ADGRB3: variants seen among roughly 807,000 people sequenced by gnomAD.
ADGRB3 encodes the protein adhesion G protein-coupled receptor B3, also known as brain-specific angiogenesis inhibitor 3.
ADGRB3 carries 37 observed loss-of-function variants against 193.4 expected under a neutral mutation model. The ratio of observed to expected loss-of-function variants is 0.19; its 90% CI spans 0.15 to 0.25. ADGRB3 has a LOEUF of 0.25. ADGRB3 is among the 10% of genes least tolerant of loss of function. The pLI, the probability that ADGRB3 is intolerant of heterozygous loss-of-function variation, is 1.00. For missense variants in ADGRB3, 1,637 were observed against 1,852.9 expected (o/e 0.88, Z 2.14); for synonymous variants, 690 against 644.2 (o/e 1.07, Z -1.08).
intron 3 of ADGRB3, among the ~76,000 whole-genome samples, chr6:68,652,414 C>T (rs1380082166): frequency 2.0e-5 from 3 of 152,122 alleles, no homozygotes; most frequent in Non-Finnish European, 4.4e-5. Context: ...TTTCTTCAGA[C>T]TCTGTCTGGA....
rs531193338 is a variant in ADGRB3 at position 69,361,828 on chromosome 6, A to AAATT, written c.4239+319_4239+320insTAAT. Among the ~76,000 whole-genome samples, 294 of 151,454 alleles carry AAATT rather than the reference A, an allele frequency of 1.9e-3. 2 individuals carry two copies. Among genetic ancestry groups the AAATT allele is most frequent in the South Asian group, 0.011 (52 of 4,786 alleles). On this transcript the variant is annotated intron_variant, in intron 29 of 31. Transcript: ENST00000370598. Reference sequence around the variant, plus strand: ...TAAGGCACTCATAAAAAATAAAATAAAATAAATAAATAAATAAATAACAGG... The same window carrying AAATT: ...TAAGGCACTCATAAAAAATAAAATAAAATTAATAAATAAATAAATAAATAACAGG...
intron 17 of ADGRB3, among the ~76,000 whole-genome samples, chr6:69,163,309 T>C (rs6926403): frequency 0.14 from 21,471 of 151,996 alleles, 1,574 homozygotes; most frequent in Middle Eastern, 0.16. Flanking sequence ...AGTTCAGACA[T>C]CCAAAAGTAT....
chr6:68,920,231 G>T (rs1290675660), intron 3 of ADGRB3, among the ~76,000 whole-genome samples: 1 of 151,962 alleles, frequency 6.6e-6, no homozygotes, highest in Non-Finnish European at 1.5e-5. Context: ...GTCCTAAAAA[G>T]CGGGGGCCAG....
At chr6:68,811,653 A>G (rs950061569) in intron 3 of ADGRB3, among the ~76,000 whole-genome samples, 1 of 152,128 alleles carries the variant, frequency 6.6e-6, no homozygotes, top group African/African-American at 2.4e-5. Context: ...TATTTTTAGT[A>G]GAGACAGGGT....
At chr6:68,990,624 A>G (rs1205227408) in intron 10 of ADGRB3, among the ~76,000 whole-genome samples, 4 of 152,192 alleles carry the variant, frequency 2.6e-5, no homozygotes, top group Non-Finnish European at 5.9e-5. Context: ...TAGTTGAGCC[A>G]TCCAGTGCCT....
intron 3 of ADGRB3, among the ~76,000 whole-genome samples, chr6:68,763,796 G>C (rs1193851167): frequency 6.6e-6 from 1 of 152,112 alleles, no homozygotes; most frequent in Non-Finnish European, 1.5e-5. Context: ...TGCGGTGGCG[G>C]TGGTGGTGGC....
intron 17 of ADGRB3, among the ~76,000 whole-genome samples, chr6:69,214,040 C>G (rs1765722564): frequency 6.6e-6 from 1 of 152,084 alleles, no homozygotes; most frequent in Non-Finnish European, 1.5e-5. Context: ...GCTATCAGAA[C>G]ACAAGCAGCC....
chr6:69,111,211 C>T (rs901117216), intron 17 of ADGRB3, among the ~76,000 whole-genome samples: 2 of 152,144 alleles, frequency 1.3e-5, no homozygotes, highest in African/African-American at 4.8e-5. Flanking sequence ...GGAATAATAG[C>T]ACAACCATTC....
intron 17 of ADGRB3, among the ~76,000 whole-genome samples, chr6:69,181,958 A>C (rs1021149171): frequency 6.6e-6 from 1 of 152,230 alleles, no homozygotes; most frequent in Non-Finnish European, 1.5e-5. Context: ...TAAACAAGTA[A>C]ATTGTATGAC....
chr6:69,017,813 T>C (rs555592096), intron 12 of ADGRB3, among the ~76,000 whole-genome samples: 2 of 152,058 alleles, frequency 1.3e-5, no homozygotes, highest in South Asian at 4.1e-4. Context: ...ATCCCATAAG[T>C]GTGTTTTGTA....
chr6:69,261,328 G>A (rs1305500362), intron 20 of ADGRB3, among the ~76,000 whole-genome samples: 1 of 152,024 alleles, frequency 6.6e-6, no homozygotes, highest in Admixed American at 6.6e-5. Flanking sequence ...GGTTTTATAA[G>A]CAGAATGAAA....
intron 3 of ADGRB3, among the ~76,000 whole-genome samples, chr6:68,817,305 ATGTATATATATAT>A (rs1562042262): frequency 0.054 from 2,345 of 43,414 alleles, 159 homozygotes; most frequent in South Asian, 0.072. Flanking sequence ...CCTTTTGTCC[ATGTATATATATAT>A]ATATATATAT....
At chr6:68,993,525 TCTAA>T (rs1474796640) in intron 10 of ADGRB3, among the ~76,000 whole-genome samples, 3 of 152,152 alleles carry the variant, frequency 2.0e-5, no homozygotes, top group African/African-American at 7.2e-5. Context: ...AATTGTGTGT[TCTAA>T]CTAGAAATGG....
chr6:69,386,597 T>C (rs980835484), intron 31 of ADGRB3, among the ~76,000 whole-genome samples: 3 of 152,130 alleles, frequency 2.0e-5, no homozygotes, highest in African/African-American at 7.2e-5. Context: ...CCTTATGATC[T>C]GGCTTCCACT....
chr6:69,230,473 C>T (rs1380771216), intron 17 of ADGRB3, among the ~76,000 whole-genome samples: 3 of 152,112 alleles, frequency 2.0e-5, no homozygotes, highest in Non-Finnish European at 4.4e-5. Flanking sequence ...CTTTACAAGG[C>T]CTCCCTGAAA....
chr6:69,262,549 A>G (rs1029415155), intron 20 of ADGRB3, among the ~76,000 whole-genome samples: 2 of 151,850 alleles, frequency 1.3e-5, no homozygotes, highest in African/African-American at 4.8e-5. Context: ...CAATTTCTCA[A>G]TATTTCTCTC....
chr6:69,307,898 G>A (rs945747735), intron 20 of ADGRB3, among the ~76,000 whole-genome samples: 6 of 151,298 alleles, frequency 4.0e-5, no homozygotes, highest in African/African-American at 9.7e-5. Flanking sequence ...GAGGTGGTTC[G>A]ATTCAAGTTA....
chr6:68,918,079 G>T (rs1766932143), intron 3 of ADGRB3, among the ~76,000 whole-genome samples: 1 of 152,020 alleles, frequency 6.6e-6, no homozygotes, highest in African/African-American at 2.4e-5. Flanking sequence ...AAAAATGTCA[G>T]GTAAAACATT....
chr6:69,337,184 G>A (rs1338230040), intron 24 of ADGRB3, among the ~76,000 whole-genome samples: 1 of 151,966 alleles, frequency 6.6e-6, no homozygotes, highest in East Asian at 1.9e-4. Flanking sequence ...TCTTGTTTCA[G>A]AGCCTAGAGG....
Sources: gnomAD v4.1 joint callset for allele counts (sites outside exome capture counted in the v4.1 genomes callset) on GRCh38, gnomAD v4.1.1 for gene constraint, MANE v1.5 for transcripts, NCBI Gene and HGNC (gene_info 2026-07-23, HGNC 2026-07-21) for gene names.